The following KLRG1 variants were observed in gnomAD, a reference collection of about 807,000 sequenced individuals.
KLRG1 encodes the protein killer cell lectin-like receptor subfamily G member 1.
KLRG1 carries 16 observed loss-of-function variants against 21.8 expected under a neutral mutation model. The observed-to-expected ratio is 0.73, with a 90% CI of 0.50 to 1.11. The LOEUF (loss-of-function observed/expected upper bound fraction) is 1.11, where lower values mean the gene tolerates loss of function less well. Among genes scored for constraint, KLRG1 ranks in the 50% most tolerant of loss-of-function variants. The pLI is 0.00. For missense variants in KLRG1, 173 were observed against 218.3 expected (o/e 0.79, Z 1.31); for synonymous variants, 69 against 75.9 (o/e 0.91, Z 0.47).
At chr12:8,966,427 A>G (rs2137237247) in intron 1 of KLRG1, among the ~76,000 whole-genome samples, 1 of 152,064 alleles carries the variant, frequency 6.6e-6, no homozygotes, top group Non-Finnish European at 1.5e-5. Context: ...GAAAATTTTC[A>G]CAACCTACTC....
the KLRG1 span, among the ~76,000 whole-genome samples, chr12:9,123,827 TATGCCTAATTCAATGGC>T: frequency 1.4e-5 from 2 of 141,902 alleles, no homozygotes; most frequent in African/African-American, 6.0e-5. Context: ...TAATTTCCTC[TATGCCTAATTCAATGGC>T]TTTTTTTTTT....
At chr12:9,165,336 CTG>C in the KLRG1 span, 3 of 1,614,102 alleles carry the variant, frequency 1.9e-6, no homozygotes, top group Non-Finnish European at 2.5e-6. Flanking sequence ...GTGTCAGGGA[CTG>C]TTACTCCTAC....
At chr12:9,141,147 A>T in the KLRG1 span, among the ~76,000 whole-genome samples, 3 of 152,224 alleles carry the variant, frequency 2.0e-5, no homozygotes, top group African/African-American at 7.2e-5. Flanking sequence ...ATATTTTAAC[A>T]TAACAATTAT....
At chr12:9,065,539 A>G in the KLRG1 span, among the ~76,000 whole-genome samples, 2 of 152,080 alleles carry the variant, frequency 1.3e-5, no homozygotes, top group Non-Finnish European at 2.9e-5. Context: ...CCCCCTTTGG[A>G]ACTTGGGCAC....
chr12:9,161,056 G>A, the KLRG1 span: 16 of 1,600,062 alleles, frequency 1.0e-5, no homozygotes, highest in Middle Eastern at 1.7e-4. Context: ...AGAAGCTCTG[G>A]CAGATTCTTT....
chr12:9,014,705 CAG>C (rs1947675948), downstream of KLRG1, among the ~76,000 whole-genome samples: 1 of 151,620 alleles, frequency 6.6e-6, no homozygotes, highest in Admixed American at 6.6e-5. Context: ...CACAGACAAA[CAG>C]AATATTATAA....
intron 1 of KLRG1, among the ~76,000 whole-genome samples, chr12:8,976,639 C>A (rs1946661110): frequency 6.6e-6 from 1 of 152,182 alleles, no homozygotes; most frequent in South Asian, 2.1e-4. Flanking sequence ...ATTAGATTCT[C>A]TGACACTGAG....
At chr12:9,025,646 C>T in the KLRG1 span, among the ~76,000 whole-genome samples, 2 of 151,916 alleles carry the variant, frequency 1.3e-5, no homozygotes, top group Non-Finnish European at 2.9e-5. Flanking sequence ...CAAAAAAAAC[C>T]CAAAAAATAT....
the KLRG1 span, among the ~76,000 whole-genome samples, chr12:9,093,197 G>A: frequency 6.6e-6 from 1 of 152,176 alleles, no homozygotes; most frequent in Admixed American, 6.5e-5. Context: ...TGATAATACT[G>A]TATTGGATAC....
chr12:9,135,793 A>G, the KLRG1 span, among the ~76,000 whole-genome samples: 2 of 152,220 alleles, frequency 1.3e-5, no homozygotes, highest in African/African-American at 4.8e-5. Flanking sequence ...CTATGAGTCC[A>G]AGTAAATGAT....
the KLRG1 span, among the ~76,000 whole-genome samples, chr12:9,204,854 G>A: frequency 6.8e-4 from 104 of 152,240 alleles, 2 homozygotes; most frequent in East Asian, 0.016. Flanking sequence ...CGGCACTTTG[G>A]GAGGCTGAGG....
the KLRG1 span, chr12:9,112,707 GGGAGA>G: frequency 1.5e-6 from 1 of 645,574 alleles, no homozygotes; most frequent in Non-Finnish European, 2.7e-6. Context: ...TTTACAAATG[GGGAGA>G]CAGGACACAA....
the KLRG1 span, among the ~76,000 whole-genome samples, chr12:9,108,410 G>A: frequency 1.3e-5 from 2 of 152,198 alleles, no homozygotes; most frequent in Non-Finnish European, 2.9e-5. Context: ...ACAGGCGTGA[G>A]CCACCACGCC....
chr12:9,087,930 ATTTT>A, the KLRG1 span, among the ~76,000 whole-genome samples: 4 of 152,116 alleles, frequency 2.6e-5, no homozygotes, highest in Admixed American at 6.6e-5. Flanking sequence ...TAACTAACTA[ATTTT>A]TTAAAGCTAG....
chr12:9,163,846 A>G, the KLRG1 span: 487 of 1,562,408 alleles, frequency 3.1e-4, 2 homozygotes, highest in Non-Finnish European at 3.8e-4. Context: ...AATCACCTTT[A>G]AGGGCTGCAC....
chr12:9,087,671 CAT>C, the KLRG1 span, among the ~76,000 whole-genome samples: 1 of 152,032 alleles, frequency 6.6e-6, no homozygotes, highest in Non-Finnish European at 1.5e-5. Flanking sequence ...CACCACAAAA[CAT>C]AAGTATTTCA....
At chr12:8,966,662 A>G (rs376349922) in intron 1 of KLRG1, among the ~76,000 whole-genome samples, 2 of 150,976 alleles carry the variant, frequency 1.3e-5, no homozygotes, top group African/African-American at 2.4e-5. Flanking sequence ...TTAGAATGGC[A>G]ATCATTAAAA....
At chr12:9,098,100 T>A in the KLRG1 span, among the ~76,000 whole-genome samples, 2 of 152,214 alleles carry the variant, frequency 1.3e-5, no homozygotes, top group African/African-American at 4.8e-5. Context: ...TACTGTATGG[T>A]CTTTTTACAT....
At chr12:9,169,714 CT>C in the KLRG1 span, 1 of 888,918 alleles carries the variant, frequency 1.1e-6, no homozygotes, top group Non-Finnish European at 1.6e-6. Flanking sequence ...TAGTTGGTAC[CT>C]TAGAGATAGT....
Sources: gnomAD v4.1 joint callset for allele counts (sites outside exome capture counted in the v4.1 genomes callset) on GRCh38, gnomAD v4.1.1 for gene constraint, MANE v1.5 for transcripts, NCBI Gene and HGNC (gene_info 2026-07-23, HGNC 2026-07-21) for gene names.